Variants in BRSK2 observed in about 807,000 individuals in gnomAD.
BRSK2 encodes serine/threonine-protein kinase BRSK2.
A neutral mutation model predicts 83.3 loss-of-function variants in BRSK2; 19 were observed. The observed-to-expected ratio is 0.23, with a 90% CI of 0.16 to 0.33. The LOEUF is 0.33. BRSK2 is among the 10% of genes least tolerant of loss of function. The pLI, the probability that BRSK2 is intolerant of heterozygous loss-of-function variation, is 1.00. For synonymous variants in BRSK2, 519 were observed against 435.4 expected (o/e 1.19, Z -2.39); for missense variants, 798 against 1,042.3 (o/e 0.77, Z 3.23).
chr11:1,412,690 C>CACCCCCACTCCAT (rs1847654286), intron 1 of BRSK2, among the ~76,000 whole-genome samples: 2 of 152,184 alleles, frequency 1.3e-5, no homozygotes, highest in South Asian at 4.1e-4. Context: ...CTTTACTGAG[C>CACCCCCACTCCAT]CAGGGACAGT....
intron 1 of BRSK2, among the ~76,000 whole-genome samples, chr11:1,419,824 A>G (rs981236031): frequency 6.6e-6 from 1 of 152,238 alleles, no homozygotes; most frequent in African/African-American, 2.4e-5. Context: ...GAGGTGGGAG[A>G]ATCACTTGAA....
chr11:1,433,330 C>T (rs1019192090), intron 1 of BRSK2, among the ~76,000 whole-genome samples: 9 of 152,262 alleles, frequency 5.9e-5, no homozygotes, highest in Non-Finnish European at 1.3e-4. Flanking sequence ...TTCACCCCTG[C>T]ACCCTCATGA....
At chr11:1,399,311 A>AAG (rs1554886123) in intron 1 of BRSK2, among the ~76,000 whole-genome samples, 4 of 152,012 alleles carry the variant, frequency 2.6e-5, no homozygotes, top group Non-Finnish European at 5.9e-5. Flanking sequence ...GGGTGGTGCC[A>AAG]GGGGGTTGCT....
At chr11:1,444,039 G>C (rs1851697833) in intron 8 of BRSK2, among the ~76,000 whole-genome samples, 1 of 152,092 alleles carries the variant, frequency 6.6e-6, no homozygotes, top group Admixed American at 6.5e-5. Flanking sequence ...CACGTGTGGG[G>C]AGGTGTGTCC....
At chr11:1,450,154 C>T (rs545544111) in intron 13 of BRSK2, among the ~76,000 whole-genome samples, 64 of 151,468 alleles carry the variant, frequency 4.2e-4, no homozygotes, top group South Asian at 2.1e-4. Flanking sequence ...CGTGTGCATG[C>T]GGGGGACTGG....
rs1200523986 is a variant in BRSK2 at position 1,461,183 on chromosome 11, G to C, written c.*460G>C. The C allele has an allele frequency of 3.7e-6, 3 of 819,918 alleles. No homozygotes were observed. The highest frequency in any genetic ancestry group is 5.5e-6 in the Non-Finnish European group (3 of 546,908). The allele number at this position is 819,918 out of a possible 1,614,324, so 50.8% of individuals were successfully genotyped here. Reference sequence around the variant, plus strand: ...GCTCGGGGGAGCCTCCTCCAGCCCGGCCGACCCGGACTCCCGGTCACCTGA... The same window carrying C: ...GCTCGGGGGAGCCTCCTCCAGCCCGCCCGACCCGGACTCCCGGTCACCTGA... On this transcript the variant is annotated 3_prime_UTR_variant, in exon 20 of 20. Coordinates refer to ENST00000528841, the MANE Select transcript of BRSK2 (RefSeq NM_001256627.2).
In BRSK2 at chr11:1,408,163, G is replaced by A. The variant is rs138073160; in HGVS notation, c.91+17788G>A. On this transcript the variant is annotated intron_variant, in intron 1 of 19. Transcript: ENST00000528841. ...GGGGAGCACAGGCGGGCCTGGCCTC[G>A]GGCCCCAGCCTCCCTCCGCCTGTTC... Among the ~76,000 whole-genome samples, 13 of 152,332 alleles carry A rather than the reference G, an allele frequency of 8.5e-5. 1 individual carries two copies. The East Asian group carries it at 2.3e-3, about 27-fold the overall frequency.
chr11:1,416,033 G>A (rs1405102884), intron 1 of BRSK2, among the ~76,000 whole-genome samples: 2 of 152,400 alleles, frequency 1.3e-5, no homozygotes, highest in African/African-American at 4.8e-5. Flanking sequence ...AAGTTCATTA[G>A]TGCTCTTGGC....
intron 18 of BRSK2, among the ~76,000 whole-genome samples, chr11:1,458,453 A>G (rs543741567): frequency 6.6e-6 from 1 of 151,962 alleles, no homozygotes; most frequent in South Asian, 2.1e-4. Context: ...AGCCCTTCCC[A>G]GCCCTGCCCC....
chr11:1,414,962 G>A (rs1356903048), intron 1 of BRSK2, among the ~76,000 whole-genome samples: 7 of 152,182 alleles, frequency 4.6e-5, no homozygotes, highest in Non-Finnish European at 5.9e-5. Flanking sequence ...ATCATCTGCC[G>A]TGGACATGTG....
intron 1 of BRSK2, among the ~76,000 whole-genome samples, chr11:1,414,002 G>C (rs190588412): frequency 6.6e-6 from 1 of 152,218 alleles, no homozygotes; most frequent in African/African-American, 2.4e-5. Context: ...AGCCAGACTT[G>C]GAAATAGTCA....
intron 1 of BRSK2, among the ~76,000 whole-genome samples, chr11:1,396,308 C>A (rs930402212): frequency 6.6e-6 from 1 of 151,996 alleles, no homozygotes; most frequent in Non-Finnish European, 1.5e-5. Flanking sequence ...TCCCTTACAG[C>A]CGCCTCGAGG....
intron 18 of BRSK2, 97 bp downstream of exon 18, chr11:1,456,784 C>T: frequency 1.5e-6 from 2 of 1,368,516 alleles, no homozygotes; most frequent in Non-Finnish European, 2.0e-6. Context: ...CGGGCGCAGC[C>T]TCCTGGCCCC....
chr11:1,417,262 A>T (rs1848189143), intron 1 of BRSK2, among the ~76,000 whole-genome samples: 2 of 152,208 alleles, frequency 1.3e-5, no homozygotes, highest in South Asian at 4.1e-4. Context: ...CTCCATAGGC[A>T]CCTGACATGC....
intron 1 of BRSK2, among the ~76,000 whole-genome samples, chr11:1,408,812 G>GTGT (rs1564801426): frequency 3.5e-5 from 5 of 143,154 alleles, no homozygotes; most frequent in African/African-American, 1.1e-4. Flanking sequence ...TGCCTGTGCT[G>GTGT]GTGTGTGTGT....
intron 1 of BRSK2, among the ~76,000 whole-genome samples, chr11:1,419,249 T>C (rs11606302): frequency 0.12 from 18,599 of 149,870 alleles, 2,164 homozygotes; most frequent in African/African-American, 0.3. Context: ...CAGCTGTGTT[T>C]GTGGGCTCTG....
intron 1 of BRSK2, among the ~76,000 whole-genome samples, chr11:1,433,241 A>G (rs1192328138): frequency 6.6e-6 from 1 of 152,224 alleles, no homozygotes. Flanking sequence ...GAAAATGCAG[A>G]GCCACCAGGG....
intron 1 of BRSK2, among the ~76,000 whole-genome samples, chr11:1,396,413 C>T (rs768408398): frequency 2.6e-5 from 4 of 152,352 alleles, no homozygotes; most frequent in South Asian, 2.1e-4. Flanking sequence ...CTGGTTCTCA[C>T]TCCCGAGTCT....
intron 1 of BRSK2, among the ~76,000 whole-genome samples, chr11:1,424,357 G>A (rs1432692110): frequency 6.6e-6 from 1 of 152,226 alleles, no homozygotes; most frequent in Admixed American, 6.5e-5. Flanking sequence ...GAGTGTGGGG[G>A]CAAAAGGAAG....
Sources: allele counts gnomAD v4.1 joint callset (sites outside exome capture counted in the v4.1 genomes callset), GRCh38; gene constraint gnomAD v4.1.1; transcripts MANE v1.5; gene names NCBI Gene and HGNC (gene_info 2026-07-23, HGNC 2026-07-21).